CDH23: variants seen among roughly 807,000 people sequenced by gnomAD.
CDH23 encodes the protein cadherin-23.
CDH23 carries 189 observed loss-of-function variants against 317.1 expected under a neutral mutation model. The ratio of observed to expected loss-of-function variants is 0.60; its 90% CI spans 0.53 to 0.67. CDH23 has a LOEUF of 0.67. Among genes scored for constraint, CDH23 ranks in the 30% least tolerant of loss-of-function variants. The pLI is 0.00. For synonymous variants in CDH23, 1,839 were observed against 1,876.8 expected (o/e 0.98, Z 0.52); for missense variants, 4,401 against 4,592.4 (o/e 0.96, Z 1.20).
intron 38 of CDH23, among the ~76,000 whole-genome samples, chr10:71,756,252 T>C (rs1840144468): frequency 6.6e-6 from 1 of 152,238 alleles, no homozygotes; most frequent in Non-Finnish European, 1.5e-5. Context: ...TTTTGTGTTA[T>C]GGTCCTAGTT....
chr10:71,626,394 C>G (rs989322427), intron 11 of CDH23, among the ~76,000 whole-genome samples: 5 of 152,170 alleles, frequency 3.3e-5, no homozygotes, highest in African/African-American at 9.7e-5. Flanking sequence ...TGGGGATGGA[C>G]AGGGTGGGAG....
chr10:71,784,345 G>A lies in CDH23; in HGVS notation c.5427G>A (p.Leu1809=), dbSNP rs2132938131. Residue 1809 remains leucine, a synonymous_variant, in exon 42 of 70, where the codon CTG becomes CTA. Transcript: ENST00000224721. ...GVLRVRKDVE[L]DRETIAFYNL... ...TAAGGGTCCGGAAGGACGTGGAGCT[G>A]GACCGGGAGACCATCGCCTTCTACA... The A allele has an allele frequency of 6.2e-7, 1 of 1,613,934 alleles. No individual in the cohort carries two copies. The highest frequency in any genetic ancestry group is 8.5e-7 in the Non-Finnish European group (1 of 1,179,840).
rs2132847482 is a variant in CDH23 at position 71,741,731 on chromosome 10, C to T, written c.4655C>T (p.Ala1552Val). ...GGTACTGCTGTGGTCCAGGTGAGAG[C>T]CACTGACCGTGACATCGGGATCAAC... ...GGGTAVVQVR[A>V]TDRDIGINSV... is the part of the protein sequence containing the mutation. The change falls in exon 38 of 70, where the codon GCC (alanine) becomes GTC (valine). Residue 1552 changes from alanine to valine, a missense_variant. Ala to Val is a moderately conservative substitution (Grantham distance 64). Coordinates refer to ENST00000224721, the MANE Select transcript of CDH23 (RefSeq NM_022124.6). The T allele has an allele frequency of 1.2e-6, 2 of 1,611,890 alleles. No individual in the cohort carries two copies. Among genetic ancestry groups the T allele is most frequent in the Non-Finnish European group, 1.7e-6 (2 of 1,179,016 alleles).
chr10:71,452,299 C>T lies in CDH23; in HGVS notation c.145+5904C>T, dbSNP rs572892217. 1.1e-4 allele frequency among the ~76,000 whole-genome samples: 16 copies of T among 152,244 alleles called. No homozygotes were observed. The East Asian group carries it at 2.3e-3, about 22-fold the overall frequency. Reference sequence around the variant, plus strand: ...GCACCTTGGCCACCACCTTCATACCCCATGCCCTGGAGGGGGGCAGGGTTC... The same window carrying T: ...GCACCTTGGCCACCACCTTCATACCTCATGCCCTGGAGGGGGGCAGGGTTC... On this transcript the variant is annotated intron_variant, in intron 3 of 69. Coordinates refer to ENST00000224721, the MANE Select transcript of CDH23 (RefSeq NM_022124.6).
rs543618979 is a variant in CDH23, at chr10:71,397,345, C to A, written c.-6+27C>A. 5 of 153,342 alleles carry A rather than the reference C, an allele frequency of 3.3e-5. No homozygotes were observed. The highest frequency in any genetic ancestry group is 1.3e-4 in the Admixed American group (2 of 15,270). The allele number at this position is 153,342 out of a possible 1,614,324, so 9.5% of individuals were successfully genotyped here. On this transcript the variant is annotated intron_variant, in intron 1 of 69. Transcript: ENST00000224721. This position sits in a 1 kb window ranked among gnomAD's most constrained non-coding sequence, Gnocchi z 4.8. ...TACCCGGAGCCACGCACCGCCTCTT[C>A]CCTCCTCGCTTCCCTCTCCTTCCCC...
intron 1 of CDH23, among the ~76,000 whole-genome samples, chr10:71,404,915 T>C (rs983913193): frequency 6.6e-6 from 1 of 152,132 alleles, no homozygotes; most frequent in Non-Finnish European, 1.5e-5. Flanking sequence ...ACCACCTTGA[T>C]TGTGTCTGTT....
At position 71,741,807 on chromosome 10, in the gene CDH23, C is replaced by T. The variant is rs1481685663; in HGVS notation, c.4731C>T (p.Arg1577=). ...AGGGCAACAAGGACATGGCCTTCCG[C>T]ATGGACCGCATCAGCGGTGAGATCG... ...ITEGNKDMAF[R]MDRISGEIAT... is the part of the protein sequence containing the mutation. The change falls in exon 38 of 70, where the codon CGC becomes CGT. Residue 1577 remains arginine, a synonymous_variant. Transcript: ENST00000224721. 3.1e-6 allele frequency: 5 copies of T among 1,612,384 alleles called. No homozygotes were observed. Among genetic ancestry groups the T allele is most frequent in the Non-Finnish European group, 4.2e-6 (5 of 1,179,302 alleles).
intron 6 of CDH23, among the ~76,000 whole-genome samples, chr10:71,563,656 G>T (rs1266481930): frequency 6.6e-6 from 1 of 151,904 alleles, no homozygotes; most frequent in Non-Finnish European, 1.5e-5. Flanking sequence ...ACCATTTATC[G>T]AGTGTTGCTC....
chr10:71,470,907 C>T (rs562273507), intron 3 of CDH23, among the ~76,000 whole-genome samples: 114 of 152,284 alleles, frequency 7.5e-4, no homozygotes, highest in Non-Finnish European at 1.3e-3. Context: ...AATTTATTTG[C>T]CATCCATATA....
At chr10:71,657,229 T>G (rs1487882875) in intron 14 of CDH23, among the ~76,000 whole-genome samples, 1 of 152,254 alleles carries the variant, frequency 6.6e-6, no homozygotes, top group Non-Finnish European at 1.5e-5. Flanking sequence ...GCTTCCTGCC[T>G]GCAGGTTGGC....
chr10:71,421,458 T>C (rs1394248904), intron 1 of CDH23, among the ~76,000 whole-genome samples: 1 of 152,236 alleles, frequency 6.6e-6, no homozygotes, highest in Non-Finnish European at 1.5e-5. Context: ...CTTGACAAAA[T>C]GAGGCATTAA....
intron 3 of CDH23, among the ~76,000 whole-genome samples, chr10:71,480,705 G>A (rs1357945571): frequency 6.6e-6 from 1 of 152,222 alleles, no homozygotes; most frequent in Non-Finnish European, 1.5e-5. Context: ...AACAGATGGG[G>A]TCAGGATACT....
chr10:71,608,406 A>G (rs1430256310), intron 9 of CDH23, among the ~76,000 whole-genome samples: 1 of 152,098 alleles, frequency 6.6e-6, no homozygotes, highest in African/African-American at 2.4e-5. Context: ...CCATTCAGAC[A>G]CTGCCATTTA....
intron 2 of CDH23, among the ~76,000 whole-genome samples, chr10:71,443,593 G>C (rs1002428137): frequency 4.6e-5 from 7 of 152,244 alleles, no homozygotes; most frequent in African/African-American, 1.7e-4. Flanking sequence ...GGGTGGCAGA[G>C]AGGGCGGGAG....
At chr10:71,411,172 T>G (rs550762842) in intron 1 of CDH23, among the ~76,000 whole-genome samples, 36 of 152,364 alleles carry the variant, frequency 2.4e-4, no homozygotes, top group African/African-American at 8.7e-4. Context: ...ATAAAAGCCC[T>G]GCTGAGATTT....
rs543039530 is a variant in CDH23 at position 71,707,482 on chromosome 10, C to T, written c.3106+433C>T. The T allele has an allele frequency of 1.2e-5, 13 of 1,124,120 alleles. No individual in the cohort carries two copies. The East Asian group carries it at 5.8e-4, about 50-fold the overall frequency. The allele number at this position is 1,124,120 out of a possible 1,614,324, so 69.6% of individuals were successfully genotyped here. ...GTTTAGAGGCAGATGGTTTTGATCT[C>T]CCTAAATGAAATGGTTTTAGCTCAA... On this transcript the variant is annotated intron_variant, in intron 26 of 69. Transcript: ENST00000224721.
intron 6 of CDH23, chr10:71,511,654 C>T (rs1853996053): frequency 7.3e-6 from 2 of 273,130 alleles, no homozygotes; most frequent in South Asian, 9.2e-5. Flanking sequence ...CTTTCCCTAG[C>T]CCCGCGCTCT....
intron 4 of CDH23, 26 bp downstream of exon 4, chr10:71,510,250 C>A: frequency 1.2e-6 from 2 of 1,608,934 alleles, no homozygotes; most frequent in South Asian, 2.2e-5. Context: ...ACCCCTGCCC[C>A]AATTCTCTCC....
chr10:71,660,304 A>G (rs762085461), intron 14 of CDH23, among the ~76,000 whole-genome samples: 1 of 152,186 alleles, frequency 6.6e-6, no homozygotes, highest in Non-Finnish European at 1.5e-5. Context: ...ACAATGAGCC[A>G]GTACAGCCAC....
Sources: gnomAD v4.1 joint callset for allele counts (sites outside exome capture counted in the v4.1 genomes callset) on GRCh38, gnomAD v4.1.1 for gene constraint, Gnocchi (gnomAD v3.1) non-coding constraint, MANE v1.5 for transcripts, NCBI Gene and HGNC (gene_info 2026-07-23, HGNC 2026-07-21) for gene names.